ACVR1C: variants seen among roughly 807,000 people sequenced by gnomAD.
ACVR1C encodes the protein activin A receptor type 1C.
A neutral mutation model predicts 57.9 loss-of-function variants in ACVR1C; 23 were observed. That is an observed-to-expected ratio of 0.40 (90% CI 0.29 to 0.56). The LOEUF is 0.56. Among genes scored for constraint, ACVR1C ranks in the 20% least tolerant of loss-of-function variants. ACVR1C has a pLI of 0.50. For synonymous variants in ACVR1C, 214 were observed against 215.3 expected (o/e 0.99, Z 0.05); for missense variants, 480 against 607.9 (o/e 0.79, Z 2.21).
At chr2:157,565,569 A>G (rs1360112214) in intron 2 of ACVR1C, among the ~76,000 whole-genome samples, 2 of 152,212 alleles carry the variant, frequency 1.3e-5, no homozygotes, top group African/African-American at 4.8e-5. Flanking sequence ...TATACTGAAT[A>G]AGGACAGAAG....
intron 2 of ACVR1C, among the ~76,000 whole-genome samples, chr2:157,562,121 C>A (rs1573921272): frequency 6.6e-6 from 1 of 151,750 alleles, no homozygotes; most frequent in East Asian, 1.9e-4. Flanking sequence ...ATAGTGAAAC[C>A]CTGTCTCTAC....
rs1200605168 is a variant in ACVR1C, at chr2:157,555,994, G to A, written c.544+99C>T. ...AGCTCACCATGTATCCTTTCAAGACGGAATTCATAATATTTGGGCCCTTTT... is the reference window on the plus strand; with the variant it reads ...AGCTCACCATGTATCCTTTCAAGACAGAATTCATAATATTTGGGCCCTTTT... On this transcript the variant is annotated intron_variant, in intron 3 of 8. Coordinates refer to ENST00000243349, the MANE Select transcript of ACVR1C (RefSeq NM_145259.3). The A allele has an allele frequency of 1.6e-5, 22 of 1,350,958 alleles. No homozygotes were observed. In the East Asian group the frequency reaches 3.3e-4, roughly 20 times the overall value. 83.7% of individuals were successfully genotyped at this position (1,350,958 alleles called of 1,614,324 possible). A position where few individuals can be genotyped will look rare whatever the true frequency, so the allele number is the denominator to read the frequency against.
chr2:157,567,314 C>A (rs1688419052), intron 2 of ACVR1C, among the ~76,000 whole-genome samples: 1 of 106,530 alleles, frequency 9.4e-6, no homozygotes, highest in African/African-American at 4.3e-5. Context: ...AGCACCTCTC[C>A]TCCTCCAAAG....
In ACVR1C at chr2:157,628,820, A is replaced by C. The variant is rs1292261008; in HGVS notation, c.-176T>G. 7 of 409,056 alleles carry C rather than the reference A, an allele frequency of 1.7e-5. No homozygotes were observed. Among genetic ancestry groups the C allele is most frequent in the East Asian group, 7.8e-5 (2 of 25,486 alleles). The allele number at this position is 409,056 out of a possible 1,614,324, so 25.3% of individuals were successfully genotyped here. On this transcript the variant is annotated 5_prime_UTR_variant, in exon 1 of 9. It removes an upstream start codon present in the reference 5' UTR. Coordinates refer to ENST00000243349, the MANE Select transcript of ACVR1C (RefSeq NM_145259.3). ...GGCGCCCCCCTCCCCGGCCGCCCCC[A>C]TCCCACGCCCCCTGCGGCTGGCGGT...
chr2:157,531,004 ACCCCAAAG>A lies in ACVR1C; in HGVS notation c.*2906_*2913del, dbSNP rs1318674010. On this transcript the variant is annotated 3_prime_UTR_variant, in exon 9 of 9. Coordinates refer to ENST00000243349, the MANE Select transcript of ACVR1C (RefSeq NM_145259.3). ...AGTGTTTTCCCAAGTCTTGTATTAT[ACCCCAAAG>A]CCAAAATATCTGTAAGGAGTAAAGA... 1 of 152,026 alleles carries A rather than the reference ACCCCAAAG, an allele frequency of 6.6e-6. No homozygotes were observed. Among genetic ancestry groups the A allele is most frequent in the Non-Finnish European group, 1.5e-5 (1 of 67,942 alleles). The allele number at this position is 152,026 out of a possible 1,614,324, so 9.4% of individuals were successfully genotyped here.
chr2:157,538,791 A>C (rs1208778126), intron 7 of ACVR1C, 88 bp from the exon 8 acceptor site: 1 of 1,111,372 alleles, frequency 9.0e-7, no homozygotes, highest in Non-Finnish European at 1.2e-6. Flanking sequence ...TTTTCTAGGC[A>C]CAAGTGACAC....
intron 1 of ACVR1C, among the ~76,000 whole-genome samples, chr2:157,590,462 T>C (rs533088011): frequency 6.6e-5 from 10 of 152,076 alleles, no homozygotes; most frequent in African/African-American, 2.4e-4. Flanking sequence ...GAAATTATTC[T>C]CTTCTATCAA....
intron 2 of ACVR1C, among the ~76,000 whole-genome samples, chr2:157,574,231 G>A (rs1688591535): frequency 6.6e-6 from 1 of 152,210 alleles, no homozygotes; most frequent in African/African-American, 2.4e-5. Context: ...AGGCTAGGAA[G>A]TCTAAGATCA....
rs554993373 is a variant in ACVR1C, at chr2:157,556,238, T to C, written c.399A>G (p.Val133=). Residue 133 remains valine, a synonymous_variant, in exon 3 of 9, where the codon GTA becomes GTG. Coordinates refer to ENST00000243349, the MANE Select transcript of ACVR1C (RefSeq NM_145259.3). The stretch of plus-strand genomic sequence containing the variant: ...AGCACTGTCGACCCTGGCATGCCCA[T>C]ACTGTCAGCATCGCAGCTATGGACA... ...CLLSIAAMLT[V]WACQGRQCSY... 2 of 1,614,146 alleles carry C rather than the reference T, an allele frequency of 1.2e-6. No homozygotes were observed. Among genetic ancestry groups the C allele is most frequent in the African/African-American group, 1.3e-5 (1 of 75,016 alleles).
chr2:157,568,635 AG>A (rs1688456268), intron 2 of ACVR1C, among the ~76,000 whole-genome samples: 1 of 84,704 alleles, frequency 1.2e-5, no homozygotes, highest in Admixed American at 1.3e-4. Context: ...ATAATGGTAA[AG>A]GGATCAATTC....
chr2:157,573,350 C>G (rs759572773), intron 2 of ACVR1C, among the ~76,000 whole-genome samples: 19 of 152,044 alleles, frequency 1.2e-4, no homozygotes, highest in Non-Finnish European at 2.8e-4. Flanking sequence ...TAATAAAGCA[C>G]CCACATTTTA....
chr2:157,572,379 T>TA (rs552511395), intron 2 of ACVR1C, among the ~76,000 whole-genome samples: 1,725 of 136,808 alleles, frequency 0.013, 33 homozygotes, highest in African/African-American at 0.041. Context: ...AAAAAAAAAT[T>TA]AAAAAAAAAA....
chr2:157,554,185 A>T (rs1359052471), intron 3 of ACVR1C, among the ~76,000 whole-genome samples: 1 of 142,220 alleles, frequency 7.0e-6, no homozygotes, highest in Non-Finnish European at 1.5e-5. Context: ...TCTGGAAAAA[A>T]AAAAAATAAA....
At position 157,556,726 on chromosome 2, in the gene ACVR1C, C is replaced by T. The variant is rs956383907; in HGVS notation, c.305-394G>A. 5.2e-5 allele frequency among the ~76,000 whole-genome samples: 7 copies of T among 134,858 alleles called. No homozygotes were observed. In the Admixed American group the frequency reaches 5.2e-4, roughly 10 times the overall value. The allele number at this position is 134,858 out of a possible 152,430, so 88.5% of individuals were successfully genotyped here. A position where few individuals can be genotyped will look rare whatever the true frequency, so the allele number is the denominator to read the frequency against. On this transcript the variant is annotated intron_variant, in intron 2 of 8. Coordinates refer to ENST00000243349, the MANE Select transcript of ACVR1C (RefSeq NM_145259.3). The stretch of plus-strand genomic sequence containing the variant: ...TCACCCAGGCTGGAGTGCAGTGGTG[C>T]GATCTGGGCTCACTGTAACCTCCAC...
Position 157,573,481 on chromosome 2 carries a change from C to A in ACVR1C, c.304+13706G>T, listed in dbSNP as rs557713396. ...AATCAGAAATTATTACTACACTTAC[C>A]CTTTTAAGCACTGTATGTTTTGGTA... On this transcript the variant is annotated intron_variant, in intron 2 of 8. Coordinates refer to ENST00000243349, the MANE Select transcript of ACVR1C (RefSeq NM_145259.3). Among the ~76,000 whole-genome samples the A allele has an allele frequency of 2.0e-5, 3 of 151,782 alleles. No individual in the cohort carries two copies. The East Asian group carries it at 5.8e-4, about 29-fold the overall frequency.
chr2:157,611,944 C>T (rs944481192), intron 1 of ACVR1C, among the ~76,000 whole-genome samples: 4 of 152,168 alleles, frequency 2.6e-5, no homozygotes, highest in African/African-American at 7.2e-5. Context: ...GAGAACATGA[C>T]TCCAGGACTC....
At chr2:157,574,126 G>T (rs746116325) in intron 2 of ACVR1C, among the ~76,000 whole-genome samples, 1 of 152,314 alleles carries the variant, frequency 6.6e-6, no homozygotes. Flanking sequence ...CAGGAATCTG[G>T]ATTTTTATAT....
intron 8 of ACVR1C, among the ~76,000 whole-genome samples, chr2:157,535,886 T>C (rs1687474311): frequency 6.6e-6 from 1 of 152,230 alleles, no homozygotes; most frequent in Admixed American, 6.5e-5. Flanking sequence ...TGTTCACTTC[T>C]CTGCCCTGAC....
intron 6 of ACVR1C, among the ~76,000 whole-genome samples, chr2:157,541,981 G>A (rs1238412766): frequency 6.6e-6 from 1 of 152,140 alleles, no homozygotes; most frequent in Non-Finnish European, 1.5e-5. Flanking sequence ...TGGCCATATG[G>A]CCACAGGCTG....
Sources: gnomAD v4.1 joint callset for allele counts (sites outside exome capture counted in the v4.1 genomes callset) on GRCh38, gnomAD v4.1.1 for gene constraint, MANE v1.5 for transcripts, NCBI Gene and HGNC (gene_info 2026-07-23, HGNC 2026-07-21) for gene names.